SGMS1: variants seen among roughly 807,000 people sequenced by gnomAD.
The protein encoded by SGMS1 is sphingomyelin synthase 1.
SGMS1 carries 13 observed loss-of-function variants against 46.2 expected under a neutral mutation model. That is an observed-to-expected ratio of 0.28 (90% CI 0.18 to 0.45). The LOEUF is 0.45. SGMS1 is among the 20% of genes least tolerant of loss of function. The probability of loss-of-function intolerance (pLI) is 1.00; values close to 1 mark genes in which losing one functional copy is unlikely to be tolerated. For synonymous variants in SGMS1, 203 were observed against 187.8 expected (o/e 1.08, Z -0.66); for missense variants, 324 against 519.9 (o/e 0.62, Z 3.66).
upstream of SGMS1, chr10:50,624,127 G>A (rs569016328): frequency 1.0e-6 from 1 of 985,398 alleles, no homozygotes; most frequent in East Asian, 1.1e-4. Context: ...CGCAGTTTGG[G>A]CCCCTTGAAT....
chr10:50,623,976 C>A (rs1054695147), upstream of SGMS1: 9 of 985,318 alleles, frequency 9.1e-6, no homozygotes, highest in South Asian at 9.4e-5. Context: ...GCCCAGTCCG[C>A]TGCCCGAGCC....
At chr10:50,349,707 A>G (rs1847973607) in intron 6 of SGMS1, among the ~76,000 whole-genome samples, 1 of 152,208 alleles carries the variant, frequency 6.6e-6, no homozygotes, top group African/African-American at 2.4e-5. Context: ...TGATGGGTTT[A>G]TCAGAGGTTT....
intron 2 of SGMS1, among the ~76,000 whole-genome samples, chr10:50,569,847 C>A (rs558818869): frequency 1.3e-5 from 2 of 152,092 alleles, no homozygotes; most frequent in Non-Finnish European, 2.9e-5. Context: ...GTCTTCATGT[C>A]CCCTCCAAAG....
intron 6 of SGMS1, among the ~76,000 whole-genome samples, chr10:50,384,110 C>T (rs1848647069): frequency 6.6e-6 from 1 of 152,148 alleles, no homozygotes; most frequent in African/African-American, 2.4e-5. Context: ...GCCTCCAGAA[C>T]TCTGAGAAAC....
chr10:50,490,748 A>G (rs559537724), intron 3 of SGMS1, among the ~76,000 whole-genome samples: 1 of 152,286 alleles, frequency 6.6e-6, no homozygotes, highest in Non-Finnish European at 1.5e-5. Context: ...TCATCCATAA[A>G]ACAGGCAAAA....
At chr10:50,579,311 C>T (rs1838413080) in intron 2 of SGMS1, among the ~76,000 whole-genome samples, 1 of 152,026 alleles carries the variant, frequency 6.6e-6, no homozygotes, top group Admixed American at 6.6e-5. Flanking sequence ...CAATATCTAA[C>T]AGAATTCCAG....
At chr10:50,328,079 G>A (rs1221633009) in intron 7 of SGMS1, 1 of 385,886 alleles carries the variant, frequency 2.6e-6, no homozygotes, top group Non-Finnish European at 4.9e-6. Context: ...TTATTATTAG[G>A]TTCTAACAAA....
chr10:50,599,295 CT>C (rs1284337390), intron 1 of SGMS1, among the ~76,000 whole-genome samples: 12 of 152,226 alleles, frequency 7.9e-5, no homozygotes, highest in Non-Finnish European at 1.6e-4. Context: ...GTCCTAACTG[CT>C]TTTGCCCTTG....
chr10:50,528,330 C>A (rs1168895924), intron 2 of SGMS1, among the ~76,000 whole-genome samples: 1 of 152,184 alleles, frequency 6.6e-6, no homozygotes, highest in East Asian at 1.9e-4. Flanking sequence ...ACAGGTACAA[C>A]ACAGATTTTA....
chr10:50,387,434 A>G (rs1848698468), intron 6 of SGMS1, among the ~76,000 whole-genome samples: 1 of 152,222 alleles, frequency 6.6e-6, no homozygotes, highest in Non-Finnish European at 1.5e-5. Context: ...TAATTACCTT[A>G]CGCTATCTCT....
chr10:50,318,248 A>G (rs1297942742), intron 8 of SGMS1, among the ~76,000 whole-genome samples: 1 of 152,110 alleles, frequency 6.6e-6, no homozygotes, highest in Admixed American at 6.5e-5. Context: ...TCACTTTTAT[A>G]GGAACAACAA....
At chr10:50,370,427 C>G (rs1437038018) in intron 6 of SGMS1, among the ~76,000 whole-genome samples, 1 of 148,632 alleles carries the variant, frequency 6.7e-6, no homozygotes, top group Admixed American at 6.7e-5. Context: ...TTTTTTTTTA[C>G]TTAAAAAATT....
intron 3 of SGMS1, among the ~76,000 whole-genome samples, chr10:50,518,206 T>C (rs906785927): frequency 3.3e-5 from 5 of 152,198 alleles, no homozygotes; most frequent in African/African-American, 1.2e-4. Flanking sequence ...AGTTTTGTAT[T>C]ATTCCAGAAG....
chr10:50,471,641 T>TA (rs911966849), intron 3 of SGMS1, among the ~76,000 whole-genome samples: 1 of 152,192 alleles, frequency 6.6e-6, no homozygotes, highest in Non-Finnish European at 1.5e-5. Context: ...CCTCCCCAAA[T>TA]ACAAATCTCA....
intron 8 of SGMS1, among the ~76,000 whole-genome samples, chr10:50,313,739 C>T (rs1847295274): frequency 6.6e-6 from 1 of 152,164 alleles, no homozygotes; most frequent in Non-Finnish European, 1.5e-5. Flanking sequence ...CAGCATCACC[C>T]ATACTTTGTC....
chr10:50,315,287 T>C (rs1847322147), intron 8 of SGMS1, among the ~76,000 whole-genome samples: 1 of 152,188 alleles, frequency 6.6e-6, no homozygotes, highest in Non-Finnish European at 1.5e-5. Flanking sequence ...GAATGTAACA[T>C]ATTAAATGTT....
intron 2 of SGMS1, among the ~76,000 whole-genome samples, chr10:50,576,300 C>T (rs1838384712): frequency 6.6e-6 from 1 of 152,188 alleles, no homozygotes; most frequent in Admixed American, 6.5e-5. Context: ...AATGTCATAA[C>T]TGTGACCTCC....
chr10:50,452,197 A>G (rs2133663025), intron 5 of SGMS1, among the ~76,000 whole-genome samples: 1 of 152,304 alleles, frequency 6.6e-6, no homozygotes, highest in Admixed American at 6.5e-5. Flanking sequence ...TCAAATGGAC[A>G]AAAATAAATC....
At position 50,443,969 on chromosome 10, in the gene SGMS1, G is replaced by T. The variant is rs535546088; in HGVS notation, c.-312-10413C>A. Among the ~76,000 whole-genome samples, 5 of 152,126 alleles carry T rather than the reference G, an allele frequency of 3.3e-5. No homozygotes were observed. The South Asian group carries it at 1.0e-3, about 32-fold the overall frequency. On this transcript the variant is annotated intron_variant, in intron 5 of 10. Transcript: ENST00000361781. ...AAATTTTTTACTAAGGGTGAATATTGTGATCTGCAGAGTAACTACAAAACA... is the reference window on the plus strand; with the variant it reads ...AAATTTTTTACTAAGGGTGAATATTTTGATCTGCAGAGTAACTACAAAACA...
Sources: allele counts gnomAD v4.1 joint callset (sites outside exome capture counted in the v4.1 genomes callset), GRCh38; gene constraint gnomAD v4.1.1; transcripts MANE v1.5; gene names NCBI Gene and HGNC (gene_info 2026-07-23, HGNC 2026-07-21).